The following TRPC1 variants were observed in gnomAD, a reference collection of about 807,000 sequenced individuals.
The protein encoded by TRPC1 is short transient receptor potential channel 1.
TRPC1 carries 42 observed loss-of-function variants against 88.2 expected under a neutral mutation model. That is an observed-to-expected ratio of 0.48 (90% CI 0.37 to 0.62). TRPC1 has a LOEUF of 0.62. Among genes scored for constraint, TRPC1 ranks in the 20% least tolerant of loss-of-function variants. The pLI is 0.00. For missense variants in TRPC1, 699 were observed against 957.3 expected, an observed-to-expected ratio of 0.73 and a Z score of 3.56; for synonymous variants, 288 against 331.8, an observed-to-expected ratio of 0.87 and a Z score of 1.43.
intron 1 of TRPC1, among the ~76,000 whole-genome samples, chr3:142,733,567 T>G (rs1934014065): frequency 6.6e-6 from 1 of 152,182 alleles, no homozygotes; most frequent in African/African-American, 2.4e-5. Flanking sequence ...TAATGTACTT[T>G]CCTTTTTAAC....
intron 7 of TRPC1, 148 bp from the exon 8 acceptor site, chr3:142,790,870 CT>C (rs1262553359): frequency 4.8e-6 from 3 of 622,174 alleles, no homozygotes; most frequent in Non-Finnish European, 7.0e-6. Flanking sequence ...ATTTTAAGAA[CT>C]TTTCACTAAA....
chr3:142,738,558 A>G (rs1934225984), intron 2 of TRPC1, among the ~76,000 whole-genome samples: 1 of 152,170 alleles, frequency 6.6e-6, no homozygotes, highest in Non-Finnish European at 1.5e-5. Flanking sequence ...TTTTGTCACC[A>G]TAAGGGGACA....
At chr3:142,778,208 CACAG>C in intron 5 of TRPC1, among the ~76,000 whole-genome samples, 1 of 152,146 alleles carries the variant, frequency 6.6e-6, no homozygotes, top group Non-Finnish European at 1.5e-5. Context: ...ACATTCCACA[CACAG>C]ACATAGTCCC....
chr3:142,762,058 CAG>C (rs1935199624), intron 4 of TRPC1, among the ~76,000 whole-genome samples: 1 of 152,064 alleles, frequency 6.6e-6, no homozygotes, highest in African/African-American at 2.4e-5. Flanking sequence ...TTTTTTGAGA[CAG>C]AGTCTCACTC....
At chr3:142,743,014 A>T (rs1008645045) in intron 2 of TRPC1, among the ~76,000 whole-genome samples, 4 of 152,176 alleles carry the variant, frequency 2.6e-5, no homozygotes, top group African/African-American at 9.7e-5. Flanking sequence ...GAAGGCTCTC[A>T]CCTTTAGATA....
intron 1 of TRPC1, among the ~76,000 whole-genome samples, chr3:142,733,585 T>A (rs542437616): frequency 7.8e-4 from 119 of 152,336 alleles, no homozygotes; most frequent in South Asian, 5.0e-3. Flanking sequence ...AACAGCAATC[T>A]AAACTTTTAA....
At chr3:142,751,885 ATTT>A (rs1934778704) in intron 4 of TRPC1, among the ~76,000 whole-genome samples, 1 of 152,154 alleles carries the variant, frequency 6.6e-6, no homozygotes, top group Non-Finnish European at 1.5e-5. Flanking sequence ...TTTCAAGTCT[ATTT>A]TACAAAGAGA....
Position 142,724,847 on chromosome 3 carries a change from CCGCCT to C in TRPC1, c.172+122_172+126del. 8.1e-7 allele frequency: 1 copy of C among 1,235,096 alleles called. No homozygotes were observed. Among genetic ancestry groups the C allele is most frequent in the South Asian group, 1.8e-5 (1 of 55,858 alleles). 76.5% of individuals were successfully genotyped at this position (1,235,096 alleles called of 1,614,324 possible). On this transcript the variant is annotated intron_variant, in intron 1 of 12. Transcript: ENST00000476941. The surrounding 1 kb of genome is among the most constrained non-coding windows in gnomAD (Gnocchi z 5.6). ...TCTGTCTCAGGCGCCGAGTGTCTTC[CCGCCT>C]CGCCTGCTGCCTCAGGCGGTCTTCT... is the stretch of plus-strand genomic sequence containing the variant.
intron 4 of TRPC1, among the ~76,000 whole-genome samples, chr3:142,749,653 C>T (rs7637826): frequency 0.21 from 32,230 of 152,002 alleles, 3,505 homozygotes; most frequent in East Asian, 0.33. Flanking sequence ...GGAGGCATCA[C>T]GCTACCTGAC....
chr3:142,763,975 TATATATATAC>T (rs1935285127), intron 4 of TRPC1, among the ~76,000 whole-genome samples: 1 of 68,574 alleles, frequency 1.5e-5, no homozygotes, highest in African/African-American at 1.3e-4. Flanking sequence ...TATATATATA[TATATATATAC>T]ACATACATAC....
Position 142,792,972 on chromosome 3 carries a change from A to G in TRPC1, c.1581+5A>G. 6.4e-7 allele frequency: 1 copy of G among 1,569,504 alleles called. No individual in the cohort carries two copies. The highest frequency in any genetic ancestry group is 8.6e-7 in the Non-Finnish European group (1 of 1,163,140). On this transcript the variant is annotated splice_donor_5th_base_variant and intron_variant, in intron 9 of 12. Transcript: ENST00000476941. This position sits in a 1 kb window ranked among gnomAD's most constrained non-coding sequence, Gnocchi z 4.0. ...TCTATCTTGGGTCCATTACAGGTAA[A>G]TAATTAAAATTTCTTAAAGAACATT...
chr3:142,777,607 A>G (rs1169400902), intron 4 of TRPC1, 25 bp from the exon 5 acceptor site: 3 of 1,543,912 alleles, frequency 1.9e-6, no homozygotes, highest in Non-Finnish European at 2.6e-6. Flanking sequence ...TTTATTTTAC[A>G]TTATGGAATC....
intron 12 of TRPC1, 103 bp downstream of exon 12, chr3:142,804,733 T>G (rs542171907): frequency 8.8e-7 from 1 of 1,131,090 alleles, no homozygotes; most frequent in East Asian, 2.6e-5. Context: ...GGGCTGTGAC[T>G]GTCTGACTTT....
At chr3:142,777,888 C>A in intron 5 of TRPC1, 125 bp downstream of exon 5, 6 of 1,040,908 alleles carry the variant, frequency 5.8e-6, no homozygotes, top group Non-Finnish European at 8.0e-6. Flanking sequence ...CTTGTTGCCA[C>A]TTACTTGGCA....
At chr3:142,783,960 ATTAG>A (rs1326787410) in intron 6 of TRPC1, among the ~76,000 whole-genome samples, 3 of 152,160 alleles carry the variant, frequency 2.0e-5, no homozygotes, top group African/African-American at 7.2e-5. Context: ...ACTTTGGTAA[ATTAG>A]TTTCTGTACC....
chr3:142,767,146 G>C lies in TRPC1; in HGVS notation c.633-10486G>C, dbSNP rs1358482561. On this transcript the variant is annotated intron_variant, in intron 4 of 12. Coordinates refer to ENST00000476941, the MANE Select transcript of TRPC1 (RefSeq NM_001251845.2). The surrounding 1 kb of genome is among the most constrained non-coding windows in gnomAD (Gnocchi z 5.1). Reference sequence around the variant, plus strand: ...TCTCAGCAATATTTTGTAATCCCCAGTGTACAGGTCTTGTGCTTCTTTATT... The same window carrying C: ...TCTCAGCAATATTTTGTAATCCCCACTGTACAGGTCTTGTGCTTCTTTATT... 6.6e-6 allele frequency among the ~76,000 whole-genome samples: 1 copy of C among 152,128 alleles called. No individual in the cohort carries two copies. Among genetic ancestry groups the C allele is most frequent in the Non-Finnish European group, 1.5e-5 (1 of 68,012 alleles).
chr3:142,789,211 T>G (rs997741803), intron 7 of TRPC1, among the ~76,000 whole-genome samples: 4 of 152,162 alleles, frequency 2.6e-5, no homozygotes, highest in African/African-American at 9.7e-5. Context: ...AGTATGGTCA[T>G]GGAGGATTTG....
intron 7 of TRPC1, among the ~76,000 whole-genome samples, chr3:142,787,061 TATATATACATGGGTACCCCCTTACACAC>T (rs1208759422): frequency 1.3e-5 from 2 of 152,230 alleles, no homozygotes; most frequent in African/African-American, 4.8e-5. Flanking sequence ...ATATTACACG[TATATATACATGGGTACCCCCTTACACAC>T]ATAATATGAT....
In TRPC1 at chr3:142,805,088, G is replaced by A. The variant is rs74724064; in HGVS notation, c.2154+458G>A. Among the ~76,000 whole-genome samples, 325 of 151,466 alleles carry A rather than the reference G, an allele frequency of 2.1e-3. 2 individuals are homozygous for A. The highest frequency in any genetic ancestry group is 0.02 in the East Asian group (105 of 5,150). On this transcript the variant is annotated intron_variant, in intron 12 of 12. Transcript: ENST00000476941. ...TGCACTCCAGCTTGGGTGACAGAGC[G>A]AGACTCCACCTCAGAACAAACAAAC...
Sources: gnomAD v4.1 joint callset for allele counts (sites outside exome capture counted in the v4.1 genomes callset) on GRCh38, gnomAD v4.1.1 for gene constraint, Gnocchi (gnomAD v3.1) non-coding constraint, MANE v1.5 for transcripts, NCBI Gene and HGNC (gene_info 2026-07-23, HGNC 2026-07-21) for gene names.